HIPK4: variants seen among roughly 807,000 people sequenced by gnomAD.
HIPK4 encodes the protein homeodomain interacting protein kinase 4, also known as homeodomain-interacting protein kinase 4.
In HIPK4, 26 loss-of-function variants were observed where a neutral mutation model predicts 44.8. The ratio of observed to expected loss-of-function variants is 0.58; its 90% CI spans 0.43 to 0.80. The LOEUF (loss-of-function observed/expected upper bound fraction) is 0.80. HIPK4 is among the 30% of genes least tolerant of loss of function. HIPK4 has a pLI of 0.00. For synonymous variants in HIPK4, 340 were observed against 355.5 expected (o/e 0.96, Z 0.49); for missense variants, 729 against 862.6 (o/e 0.85, Z 1.94).
Position 40,380,860 on chromosome 19 carries a change from C to T in HIPK4, c.1131G>A (p.Gly377=). The T allele has an allele frequency of 6.2e-7, 1 of 1,608,534 alleles. No individual in the cohort carries two copies. Among genetic ancestry groups the T allele is most frequent in the South Asian group, 1.1e-5 (1 of 91,020 alleles). The change falls in exon 3 of 4, where the codon GGG becomes GGA. Residue 377 remains glycine (G), a synonymous_variant. Transcript: ENST00000291823. This position sits in a 1 kb window ranked among gnomAD's most constrained non-coding sequence, Gnocchi z 4.2. ...RSYRLSLQVE[G]KPPTPVVAAE... ...CGGCCACGACGGGCGTGGGGGGCTTCCCCTCCACTTGCAGCGAGAGGCGGT... is the reference window on the plus strand; with the variant it reads ...CGGCCACGACGGGCGTGGGGGGCTTTCCCTCCACTTGCAGCGAGAGGCGGT...
intron 1 of HIPK4, among the ~76,000 whole-genome samples, chr19:40,386,148 C>A (rs1043289528): frequency 6.6e-6 from 1 of 152,148 alleles, no homozygotes; most frequent in Non-Finnish European, 1.5e-5. Flanking sequence ...TGGCTCACTG[C>A]AACCTCCACC....
chr19:40,379,405 T>G lies in HIPK4; in HGVS notation c.*182A>C. The G allele has an allele frequency of 1.7e-6, 1 of 587,682 alleles. No homozygotes were observed. The highest frequency in any genetic ancestry group is 3.2e-5 in the East Asian group (1 of 31,106). 36.4% of individuals were successfully genotyped at this position (587,682 alleles called of 1,614,324 possible). A position where few individuals can be genotyped will look rare whatever the true frequency, so the allele number is the denominator to read the frequency against. ...GGCCAGACTCCAAAGCCCTGCTGTG[T>G]TTAGGAGAGGTGTGCAGGCACGCAC... On this transcript the variant is annotated 3_prime_UTR_variant, in exon 4 of 4. Transcript: ENST00000291823.
chr19:40,384,097 A>G lies in HIPK4; in HGVS notation c.508T>C (p.Tyr170His), dbSNP rs1474702512. 1.3e-6 allele frequency: 2 copies of G among 1,599,810 alleles called. No individual in the cohort carries two copies. Among genetic ancestry groups the G allele is most frequent in the Non-Finnish European group, 1.7e-6 (2 of 1,169,588 alleles). Residue 170 changes from tyrosine (Y) to histidine (H), a missense_variant, in exon 2 of 4, where the codon TAC (tyrosine) becomes CAC (histidine). Coordinates refer to ENST00000291823, the MANE Select transcript of HIPK4 (RefSeq NM_144685.5). ...GACTGGATGTATGGCTCCTTCACGT[A>G]GCGCACCTCGCTGAAAATGCTGGCG... ...GSASIFSEVR[Y>H]VKEPYIQSRF...
intron 1 of HIPK4, among the ~76,000 whole-genome samples, chr19:40,385,693 T>C (rs866326381): frequency 2.2e-5 from 3 of 139,322 alleles, no homozygotes; most frequent in African/African-American, 5.4e-5. Flanking sequence ...CTTTTTTTTT[T>C]TTTTTTTTTT....
In HIPK4 at chr19:40,390,121, C is replaced by T. The variant is rs1217938341; in HGVS notation, c.-219G>A. On this transcript the variant is annotated 5_prime_UTR_variant, in exon 1 of 4. Transcript: ENST00000291823. ...CAGGGGCTGCACCCCTCCCCAGAAA[C>T]CCTCCTGGCTTGGGATGAGGGGCCC... The T allele has an allele frequency of 3.5e-6, 2 of 576,598 alleles. No individual in the cohort carries two copies. Among genetic ancestry groups the T allele is most frequent in the Non-Finnish European group, 6.2e-6 (2 of 322,726 alleles). 35.7% of individuals were successfully genotyped at this position (576,598 alleles called of 1,614,324 possible). A position where few individuals can be genotyped will look rare whatever the true frequency, so the allele number is the denominator to read the frequency against.
At chr19:40,381,728 T>C (rs1319936554) in intron 2 of HIPK4, among the ~76,000 whole-genome samples, 1 of 148,462 alleles carries the variant, frequency 6.7e-6, no homozygotes, top group Non-Finnish European at 1.5e-5. Context: ...GCCACAGAGG[T>C]AGCAGACTGG....
At chr19:40,387,344 CAT>C (rs1460570775) in intron 1 of HIPK4, among the ~76,000 whole-genome samples, 1 of 152,186 alleles carries the variant, frequency 6.6e-6, no homozygotes, top group African/African-American at 2.4e-5. Flanking sequence ...GCCTTTGACA[CAT>C]GACAGGTGCT....
intron 1 of HIPK4, among the ~76,000 whole-genome samples, chr19:40,387,247 C>A (rs1222665695): frequency 1.1e-4 from 17 of 152,262 alleles, no homozygotes; most frequent in Admixed American, 9.2e-4. Context: ...CCATCTCTGT[C>A]TCTGTGTCGT....
intron 2 of HIPK4, among the ~76,000 whole-genome samples, chr19:40,382,897 A>C (rs895891168): frequency 6.6e-6 from 1 of 150,720 alleles, no homozygotes; most frequent in South Asian, 2.1e-4. Flanking sequence ...AATACAAAAA[A>C]ATTGCCGGGT....
intron 1 of HIPK4, among the ~76,000 whole-genome samples, chr19:40,387,746 T>C (rs1312589942): frequency 1.3e-5 from 2 of 152,234 alleles, no homozygotes; most frequent in Non-Finnish European, 1.5e-5. Flanking sequence ...CCCAAAGTGC[T>C]GGGATTACAG....
intron 2 of HIPK4, among the ~76,000 whole-genome samples, chr19:40,382,862 A>G (rs1164946169): frequency 6.6e-6 from 1 of 151,260 alleles, no homozygotes; most frequent in Non-Finnish European, 1.5e-5. Flanking sequence ...CCTGGCCAAC[A>G]TGGTAAAACC....
Position 40,379,315 on chromosome 19 carries a change from AG to A in HIPK4, c.*271del. 3 of 468,720 alleles carry A rather than the reference AG, an allele frequency of 6.4e-6. No homozygotes were observed. The highest frequency in any genetic ancestry group is 1.1e-5 in the Non-Finnish European group (3 of 266,704). The allele number at this position is 468,720 out of a possible 1,614,324, so 29.0% of individuals were successfully genotyped here. ...GAAATAGACAGAGGCAGCAGGGCCA[AG>A]GGCGAGCGCAGGGCCAGCGGGGTGC... On this transcript the variant is annotated 3_prime_UTR_variant, in exon 4 of 4. Transcript: ENST00000291823.
intron 2 of HIPK4, among the ~76,000 whole-genome samples, chr19:40,382,361 T>C (rs889358846): frequency 1.3e-5 from 2 of 152,164 alleles, no homozygotes; most frequent in African/African-American, 4.8e-5. Context: ...CCCACCAAAG[T>C]GCGTGGACTA....
intron 2 of HIPK4, 39 bp from the exon 3 acceptor site, chr19:40,381,207 T>C: frequency 6.5e-7 from 1 of 1,542,888 alleles, no homozygotes; most frequent in East Asian, 2.3e-5. Flanking sequence ...TTGACCATTG[T>C]GCAGGGCTAG....
intron 1 of HIPK4, among the ~76,000 whole-genome samples, chr19:40,386,640 C>T (rs527269238): frequency 3.3e-5 from 5 of 152,260 alleles, no homozygotes; most frequent in African/African-American, 1.2e-4. Flanking sequence ...GCATGAGGCC[C>T]TGCACCTGGC....
At chr19:40,385,765 TG>T (rs2079360686) in intron 1 of HIPK4, among the ~76,000 whole-genome samples, 1 of 134,406 alleles carries the variant, frequency 7.4e-6, no homozygotes. Context: ...TGGAGTGCAA[TG>T]GTGCAATCTT....
chr19:40,383,704 G>A (rs1397246907), intron 2 of HIPK4, 79 bp downstream of exon 2: 6 of 1,109,904 alleles, frequency 5.4e-6, no homozygotes, highest in Non-Finnish European at 7.8e-6. Context: ...TTACAGGTGT[G>A]AGCCACGTTG....
At chr19:40,382,946 C>T (rs1247364611) in intron 2 of HIPK4, among the ~76,000 whole-genome samples, 1 of 150,920 alleles carries the variant, frequency 6.6e-6, no homozygotes, top group Non-Finnish European at 1.5e-5. Context: ...ACTCAGGAGG[C>T]TGAGGCAGGA....
chr19:40,389,715 C>T lies in HIPK4; in HGVS notation c.188G>A (p.Arg63Gln), dbSNP rs762281156. 9.3e-6 allele frequency: 15 copies of T among 1,614,088 alleles called. No individual in the cohort carries two copies. Among genetic ancestry groups the T allele is most frequent in the Non-Finnish European group, 1.3e-5 (15 of 1,180,044 alleles). The change falls in exon 1 of 4, where the codon CGA (arginine) becomes CAA (glutamine). Residue 63 changes from arginine to glutamine, a missense_variant. Arg to Gln is a conservative substitution (Grantham distance 43). Coordinates refer to ENST00000291823, the MANE Select transcript of HIPK4 (RefSeq NM_144685.5). This position sits in a 1 kb window ranked among gnomAD's most constrained non-coding sequence, Gnocchi z 4.6. ...GTGGGCCTCTTCAGGGTCTAGGCCT[C>T]GCATGCAGTGCAGCAGCTTCAGCTC... ...KNELKLLHCMRGLDPEEAHVI... is the reference protein window; with the variant it reads ...KNELKLLHCMQGLDPEEAHVI...
Sources: allele counts gnomAD v4.1 joint callset (sites outside exome capture counted in the v4.1 genomes callset), GRCh38; gene constraint gnomAD v4.1.1; non-coding constraint Gnocchi (gnomAD v3.1); transcripts MANE v1.5; gene names NCBI Gene and HGNC (gene_info 2026-07-23, HGNC 2026-07-21).